The following NAV3 variants were observed in gnomAD, a reference collection of about 807,000 sequenced individuals.
NAV3 encodes pore membrane and/or filament interacting like protein 1.
A neutral mutation model predicts 244.7 loss-of-function variants in NAV3; 87 were observed. The ratio of observed to expected loss-of-function variants is 0.36; its 90% confidence interval spans 0.30 to 0.42. NAV3 has a LOEUF of 0.42. NAV3 is among the 20% of genes least tolerant of loss of function. The pLI is 1.00. For synonymous variants in NAV3, 1,126 were observed against 1,042.2 expected (o/e 1.08, Z -1.55); for missense variants, 2,663 against 2,893.3 (o/e 0.92, Z 1.83).
chr12:77,878,198 A>T (rs1284053472), intron 1 of NAV3, among the ~76,000 whole-genome samples: 2 of 152,040 alleles, frequency 1.3e-5, no homozygotes, highest in African/African-American at 4.8e-5. Flanking sequence ...TCTGAATGAG[A>T]TACGGAATTA....
At chr12:78,057,184 A>G (rs932965005) in intron 11 of NAV3, among the ~76,000 whole-genome samples, 1 of 152,200 alleles carries the variant, frequency 6.6e-6, no homozygotes, top group Non-Finnish European at 1.5e-5. Context: ...TAAAAGTTAC[A>G]TATTTTAATT....
chr12:77,902,113 T>A (rs911265494), intron 1 of NAV3, among the ~76,000 whole-genome samples: 1 of 152,210 alleles, frequency 6.6e-6, no homozygotes, highest in Non-Finnish European at 1.5e-5. Flanking sequence ...TTTGCAAAAA[T>A]TATCTCCTGA....
intron 31 of NAV3, among the ~76,000 whole-genome samples, chr12:78,186,987 C>T (rs1365748274): frequency 6.6e-6 from 1 of 151,882 alleles, no homozygotes; most frequent in African/African-American, 2.4e-5. Flanking sequence ...ATGAAAGTCC[C>T]ACCATTATGA....
intron 9 of NAV3, among the ~76,000 whole-genome samples, chr12:78,024,962 A>G (rs1243289410): frequency 1.3e-5 from 2 of 148,672 alleles, no homozygotes; most frequent in East Asian, 2.0e-4. Context: ...GAGACAGAGC[A>G]AGACTCTGTC....
chr12:77,918,698 G>A (rs777801338), intron 1 of NAV3, among the ~76,000 whole-genome samples: 1 of 152,014 alleles, frequency 6.6e-6, no homozygotes, highest in African/African-American at 2.4e-5. Flanking sequence ...TGGTACAGCT[G>A]GAATGACTGG....
intron 5 of NAV3, among the ~76,000 whole-genome samples, chr12:77,988,685 T>A (rs1870952948): frequency 6.6e-6 from 1 of 152,106 alleles, no homozygotes; most frequent in South Asian, 2.1e-4. Flanking sequence ...ATACAGGATT[T>A]CAGAAAAAAA....
rs1565971224 is a variant in NAV3, at chr12:77,968,718, A to G, written c.671+16A>G. On this transcript the variant is annotated intron_variant, in intron 5 of 39. Transcript: ENST00000397909. Reference sequence around the variant, plus strand: ...TGCAGTCCAGGTAAGGAAAGGAAGTAGGGAATGTGTTTCCAATTAGTTTGT... The same window carrying G: ...TGCAGTCCAGGTAAGGAAAGGAAGTGGGGAATGTGTTTCCAATTAGTTTGT... 1.9e-6 allele frequency: 3 copies of G among 1,603,988 alleles called. No homozygotes were observed. The highest frequency in any genetic ancestry group is 2.6e-6 in the Non-Finnish European group (3 of 1,173,596).
intron 12 of NAV3, among the ~76,000 whole-genome samples, chr12:78,084,568 C>T (rs1953526983): frequency 6.6e-6 from 1 of 152,014 alleles, no homozygotes; most frequent in Non-Finnish European, 1.5e-5. Context: ...TTCCATATTG[C>T]CCTTGAGCCA....
intron 1 of NAV3, among the ~76,000 whole-genome samples, chr12:77,866,214 G>C (rs1405307939): frequency 3.3e-5 from 5 of 152,218 alleles, no homozygotes; most frequent in Non-Finnish European, 7.4e-5. Context: ...TATAAATAGT[G>C]GTAGAGGAAT....
chr12:78,193,042 T>C (rs17044979), intron 34 of NAV3, among the ~76,000 whole-genome samples: 8,232 of 152,236 alleles, frequency 0.054, 388 homozygotes, highest in African/African-American at 0.12. Context: ...TAATAAATCC[T>C]GTTCCTGAAA....
chr12:77,625,552 C>T (rs1425232357), intron 2 of NAV3, among the ~76,000 whole-genome samples: 1 of 152,156 alleles, frequency 6.6e-6, no homozygotes, highest in Non-Finnish European at 1.5e-5. Flanking sequence ...AACTCATCCA[C>T]ATCTGGCCCA....
intron 1 of NAV3, among the ~76,000 whole-genome samples, chr12:77,861,830 T>C (rs1471192827): frequency 7.9e-5 from 12 of 151,832 alleles, no homozygotes; most frequent in Non-Finnish European, 1.5e-5. Context: ...GAGTCCACAA[T>C]TGTAAAAATT....
At chr12:77,619,691 G>GA (rs1286559803) in intron 2 of NAV3, among the ~76,000 whole-genome samples, 1 of 152,080 alleles carries the variant, frequency 6.6e-6, no homozygotes, top group Admixed American at 6.6e-5. Flanking sequence ...ACGTGGGAAA[G>GA]AAAAATGAAT....
At chr12:78,174,740 G>A (rs1226915845) in intron 24 of NAV3, among the ~76,000 whole-genome samples, 1 of 151,864 alleles carries the variant, frequency 6.6e-6, no homozygotes, top group Non-Finnish European at 1.5e-5. Context: ...GCCTTTCATT[G>A]GCTGTTTGAC....
intron 8 of NAV3, among the ~76,000 whole-genome samples, chr12:78,007,987 C>T (rs1056933158): frequency 6.6e-6 from 1 of 152,138 alleles, no homozygotes; most frequent in Non-Finnish European, 1.5e-5. Flanking sequence ...CTTCAGCTGT[C>T]AAATAGGAAC....
intron 1 of NAV3, among the ~76,000 whole-genome samples, chr12:77,839,081 T>A (rs139501771): frequency 6.6e-6 from 1 of 152,286 alleles, no homozygotes. Context: ...GTATTAGGCA[T>A]AGGGATAGAG....
At chr12:77,913,368 A>C (rs566481202) in intron 1 of NAV3, among the ~76,000 whole-genome samples, 1 of 152,180 alleles carries the variant, frequency 6.6e-6, no homozygotes, top group Non-Finnish European at 1.5e-5. Context: ...AACTGTTTAG[A>C]ATTTCCTACT....
At chr12:77,762,263 C>T (rs752850213) in intron 2 of NAV3, among the ~76,000 whole-genome samples, 3 of 152,002 alleles carry the variant, frequency 2.0e-5, no homozygotes, top group Admixed American at 6.5e-5. Flanking sequence ...GAACATCACA[C>T]ATCGGGGCCT....
intron 38 of NAV3, among the ~76,000 whole-genome samples, chr12:78,204,022 A>G (rs1458011797): frequency 1.3e-5 from 2 of 152,060 alleles, no homozygotes; most frequent in Non-Finnish European, 2.9e-5. Context: ...ATTGCACAAT[A>G]AGGGTTCTTG....
Sources: allele counts gnomAD v4.1 joint callset (sites outside exome capture counted in the v4.1 genomes callset), GRCh38; gene constraint gnomAD v4.1.1; transcripts MANE v1.5; gene names NCBI Gene and HGNC (gene_info 2026-07-23, HGNC 2026-07-21).